The following LRRC53 variants were observed in gnomAD, a reference collection of about 807,000 sequenced individuals.
The protein encoded by LRRC53 is leucine rich repeat containing 53.
A neutral mutation model predicts 13.6 loss-of-function variants in LRRC53; 25 were observed. The ratio of observed to expected loss-of-function variants is 1.83; its 90% confidence interval spans 1.34 to 2.56. The LOEUF is 2.56. Among genes scored for constraint, LRRC53 ranks in the 30% most tolerant of loss-of-function variants. The probability of loss-of-function intolerance (pLI) is 0.00; values close to 1 mark genes in which losing one functional copy is unlikely to be tolerated. For missense variants in LRRC53, 527 were observed against 275.8 expected (o/e 1.91, Z -6.45); for synonymous variants, 204 against 109.8 (o/e 1.86, Z -5.37).
intron 1 of LRRC53, among the ~76,000 whole-genome samples, chr1:74,510,865 A>G (rs1185692607): frequency 6.6e-6 from 1 of 152,236 alleles, no homozygotes; most frequent in Non-Finnish European, 1.5e-5. Flanking sequence ...ATTCTTGTAT[A>G]AAGAGTTTTA....
At chr1:74,536,892 T>A in the LRRC53 span, among the ~76,000 whole-genome samples, 1 of 152,126 alleles carries the variant, frequency 6.6e-6, no homozygotes, top group African/African-American at 2.4e-5. Flanking sequence ...CAAATAGAGG[T>A]CCTGATGAAT....
At chr1:74,498,176 T>C (rs1231924825) in intron 1 of LRRC53, among the ~76,000 whole-genome samples, 2 of 152,238 alleles carry the variant, frequency 1.3e-5, no homozygotes, top group Non-Finnish European at 2.9e-5. Context: ...GAAGTTCCAC[T>C]AGTTCCCATA....
In LRRC53 at chr1:74,483,159, C is replaced by T. The variant is rs1668587168; in HGVS notation, c.88+103G>A. The T allele has an allele frequency of 6.4e-5, 41 of 639,704 alleles. 1 individual carries two copies. In the South Asian group the frequency reaches 7.1e-4, roughly 11 times the overall value. 39.6% of individuals were successfully genotyped at this position (639,704 alleles called of 1,614,324 possible). On this transcript the variant is annotated intron_variant, in intron 2 of 4. Coordinates refer to ENST00000294635, the MANE Select transcript of LRRC53 (RefSeq NM_001382280.1). ...ATGAAGTGTACTCATTAAAGGGTTA[C>T]CTCTTAAGCTGAGCCCAGAGAACAG...
At chr1:74,518,772 TA>T in the LRRC53 span, among the ~76,000 whole-genome samples, 1 of 152,120 alleles carries the variant, frequency 6.6e-6, no homozygotes. Context: ...GGTGTGTTTT[TA>T]AAACAACATT....
chr1:74,470,327 G>A lies in LRRC53; in HGVS notation c.3295C>T (p.Gln1099Ter), dbSNP rs1305025767. ...CCTTTTAAGGTCATTTGTGAGATCT[G>A]AGTTAACATACTAGAATCTGTCTTG... is the stretch of plus-strand genomic sequence containing the variant. ...ESKTDSSMLT[Q>*]ISQMTLKGIT... is the part of the protein sequence containing the mutation. The change falls in exon 5 of 5, where the codon CAG (glutamine) becomes TAG (stop). Residue 1099 changes from glutamine (Q) to a stop codon, truncating the protein, a stop_gained. Coordinates refer to ENST00000294635, the MANE Select transcript of LRRC53 (RefSeq NM_001382280.1). LOFTEE classifies it low-confidence loss of function (END_TRUNC). 2.5e-6 allele frequency: 1 copy of A among 400,468 alleles called. No homozygotes were observed. Among genetic ancestry groups the A allele is most frequent in the Non-Finnish European group, 4.4e-6 (1 of 226,152 alleles). The allele number at this position is 400,468 out of a possible 1,614,324, so 24.8% of individuals were successfully genotyped here.
intron 1 of LRRC53, chr1:74,492,069 C>A (rs199915359): frequency 6.7e-7 from 1 of 1,484,870 alleles, no homozygotes; most frequent in Non-Finnish European, 9.1e-7. Context: ...AAGTATTAAA[C>A]AATTGAAATT....
At chr1:74,513,171 A>C (rs1263437523), upstream of LRRC53, among the ~76,000 whole-genome samples, 3 of 152,286 alleles carry the variant, frequency 2.0e-5, no homozygotes, top group South Asian at 4.1e-4. Context: ...GCCTAAGATG[A>C]GGAAATGGTT....
the LRRC53 span, among the ~76,000 whole-genome samples, chr1:74,525,387 A>G: frequency 0.012 from 1,892 of 152,184 alleles, 52 homozygotes; most frequent in African/African-American, 0.044. Flanking sequence ...GAAGGTAAAA[A>G]ATTTTGCTTA....
At chr1:74,533,991 C>T in the LRRC53 span, among the ~76,000 whole-genome samples, 7 of 152,122 alleles carry the variant, frequency 4.6e-5, no homozygotes, top group Admixed American at 2.0e-4. Context: ...GCAAGTCATT[C>T]GAACTTTCTG....
chr1:74,485,529 C>A (rs540226014), intron 1 of LRRC53, among the ~76,000 whole-genome samples: 2 of 152,244 alleles, frequency 1.3e-5, no homozygotes, highest in East Asian at 3.9e-4. Flanking sequence ...TTCCTGTCCC[C>A]TGGTGTACAT....
At chr1:74,508,108 A>C (rs1461276293) in intron 1 of LRRC53, among the ~76,000 whole-genome samples, 1 of 152,246 alleles carries the variant, frequency 6.6e-6, no homozygotes, top group Non-Finnish European at 1.5e-5. Flanking sequence ...AAGAAAAAGG[A>C]GAGGCAGGCA....
intron 1 of LRRC53, among the ~76,000 whole-genome samples, chr1:74,506,433 A>G (rs746396770): frequency 6.6e-6 from 1 of 152,204 alleles, no homozygotes; most frequent in Non-Finnish European, 1.5e-5. Flanking sequence ...TCCAAAGCCC[A>G]TGATTTTTTT....
chr1:74,524,005 C>T, the LRRC53 span, among the ~76,000 whole-genome samples: 20 of 152,230 alleles, frequency 1.3e-4, no homozygotes, highest in Non-Finnish European at 1.2e-4. Flanking sequence ...TCCATCAAGC[C>T]ACAATTCCAA....
intron 1 of LRRC53, among the ~76,000 whole-genome samples, chr1:74,484,085 G>A (rs1187479501): frequency 1.3e-5 from 2 of 151,718 alleles, no homozygotes; most frequent in Non-Finnish European, 2.9e-5. Context: ...GGTACTCTAA[G>A]TGTTTAGTAA....
At chr1:74,517,074 T>C (rs148657131), upstream of LRRC53, among the ~76,000 whole-genome samples, 10 of 152,342 alleles carry the variant, frequency 6.6e-5, no homozygotes, top group East Asian at 1.9e-3. Flanking sequence ...GATTATTTAA[T>C]TCAGCTTTTC....
chr1:74,495,336 T>C (rs1322397840), intron 1 of LRRC53, among the ~76,000 whole-genome samples: 1 of 152,210 alleles, frequency 6.6e-6, no homozygotes, highest in African/African-American at 2.4e-5. Context: ...TTAAAATGTG[T>C]CAAAATAGAA....
the LRRC53 span, among the ~76,000 whole-genome samples, chr1:74,517,770 A>G: frequency 2.0e-5 from 3 of 152,204 alleles, no homozygotes; most frequent in Admixed American, 2.0e-4. Context: ...TCACAAAGCC[A>G]GTGGCTCTCA....
chr1:74,486,233 G>GAGAGAGAGAGAGAGAGAGAGAGAGAGAGA (rs200856016), intron 1 of LRRC53, among the ~76,000 whole-genome samples: 3 of 150,098 alleles, frequency 2.0e-5, no homozygotes, highest in African/African-American at 7.4e-5. Context: ...GAGAGAGAGA[G>GAGAGAGAGAGAGAGAGAGAGAGAGAGAGA]GTGGGAAATA....
intron 1 of LRRC53, among the ~76,000 whole-genome samples, chr1:74,510,863 A>G (rs2100379283): frequency 6.6e-6 from 1 of 152,338 alleles, no homozygotes; most frequent in East Asian, 1.9e-4. Context: ...GTATTCTTGT[A>G]TAAAGAGTTT....
Sources: allele counts gnomAD v4.1 joint callset (sites outside exome capture counted in the v4.1 genomes callset), GRCh38; gene constraint gnomAD v4.1.1; transcripts MANE v1.5; gene names NCBI Gene and HGNC (gene_info 2026-07-23, HGNC 2026-07-21).